Variants in PEA15 observed in about 807,000 individuals in gnomAD.
PEA15 encodes the protein proliferation and apoptosis adaptor protein 15.
For synonymous variants in PEA15, 60 were observed against 61.8 expected (o/e 0.97, Z 0.13); for missense variants, 77 against 161.3 (o/e 0.48, Z 2.83).
chr1:160,213,085 G>A lies in PEA15; in HGVS notation c.173-25G>A, dbSNP rs1410448427. 3 of 1,613,440 alleles carry A rather than the reference G, an allele frequency of 1.9e-6. No homozygotes were observed. Among genetic ancestry groups the A allele is most frequent in the Non-Finnish European group, 2.5e-6 (3 of 1,179,750 alleles). Reference sequence around the variant, plus strand: ...AAGCTGACCTCTACAGCCTAGCTCTGACCCTATCTCCTGCCTTCCTCCAGA... The same window carrying A: ...AAGCTGACCTCTACAGCCTAGCTCTAACCCTATCTCCTGCCTTCCTCCAGA... On this transcript the variant is annotated intron_variant, in intron 2 of 3. Coordinates refer to ENST00000360472, the MANE Select transcript of PEA15 (RefSeq NM_003768.5). This position sits in a 1 kb window ranked among gnomAD's most constrained non-coding sequence, Gnocchi z 5.3.
At chr1:160,206,950 C>T (rs114296300) in intron 1 of PEA15, among the ~76,000 whole-genome samples, 3,798 of 152,276 alleles carry the variant, frequency 0.025, 49 homozygotes, top group Middle Eastern at 0.037. Flanking sequence ...TCCTCAATTC[C>T]GTGCCCATCA....
At chr1:160,211,837 GAGAGGTGCTCTA>G in intron 2 of PEA15, 121 bp downstream of exon 2, 1 of 891,638 alleles carries the variant, frequency 1.1e-6, no homozygotes. Flanking sequence ...CAAGGCAGAA[GAGAGGTGCTCTA>G]AGAGTATGGG....
Position 160,208,492 on chromosome 1 carries a change from T to TC in PEA15, c.-3+2973dup. ...GGCCTCCGCCCAGACTGCCTGGTGA[T>TC]CCCTGAGCAGCTCTCTGCACTGCTC... On this transcript the variant is annotated intron_variant, in intron 1 of 3. Transcript: ENST00000360472. This position sits in a 1 kb window ranked among gnomAD's most constrained non-coding sequence, Gnocchi z 4.1. 1.0e-6 allele frequency: 1 copy of TC among 968,246 alleles called. No individual in the cohort carries two copies. The highest frequency in any genetic ancestry group is 1.6e-6 in the Non-Finnish European group (1 of 628,102). The allele number at this position is 968,246 out of a possible 1,614,324, so 60.0% of individuals were successfully genotyped here.
rs1178596206 is a variant in PEA15, at chr1:160,214,784, A to G, written c.*1298A>G. On this transcript the variant is annotated 3_prime_UTR_variant, in exon 4 of 4. Transcript: ENST00000360472. ...AAAGAAGGCTTTTTCAAAAAACATT[A>G]AATTCACATGCAGTCTCAGAGACTA... 6.6e-6 allele frequency: 1 copy of G among 152,634 alleles called. No homozygotes were observed. The highest frequency in any genetic ancestry group is 1.5e-5 in the Non-Finnish European group (1 of 68,042). The allele number at this position is 152,634 out of a possible 1,614,324, so 9.5% of individuals were successfully genotyped here.
In PEA15 at chr1:160,215,177, A is replaced by G. The variant is rs1261132010; in HGVS notation, c.*1691A>G. Reference sequence around the variant, plus strand: ...GAGAATAAGGAGCCTTTCTTATGGAAGAAATGGGAGAAGAGAGACAGGGTT... The same window carrying G: ...GAGAATAAGGAGCCTTTCTTATGGAGGAAATGGGAGAAGAGAGACAGGGTT... On this transcript the variant is annotated 3_prime_UTR_variant, in exon 4 of 4. Transcript: ENST00000360472. 6.6e-6 allele frequency: 1 copy of G among 152,512 alleles called. No individual in the cohort carries two copies. The highest frequency in any genetic ancestry group is 1.5e-5 in the Non-Finnish European group (1 of 68,050). 9.4% of individuals were successfully genotyped at this position (152,512 alleles called of 1,614,324 possible). A position where few individuals can be genotyped will look rare whatever the true frequency, so the allele number is the denominator to read the frequency against.
Position 160,213,198 on chromosome 1 carries a change from G to C in PEA15, c.261G>C (p.Leu87=). 6.2e-7 allele frequency: 1 copy of C among 1,614,194 alleles called. No individual in the cohort carries two copies. ...TMVVDYRTRV[L]KISEEDELDT... ...TGGTTGACTACAGAACCCGTGTGCT[G>C]AAGATCTCTGAGGAGGATGAGCTGG... Residue 87 remains leucine, a synonymous_variant, in exon 3 of 4, where the codon CTG becomes CTC. Transcript: ENST00000360472. This position sits in a 1 kb window ranked among gnomAD's most constrained non-coding sequence, Gnocchi z 5.3.
intron 1 of PEA15, among the ~76,000 whole-genome samples, chr1:160,209,970 T>G (rs927030906): frequency 6.6e-6 from 1 of 152,236 alleles, no homozygotes; most frequent in Non-Finnish European, 1.5e-5. Context: ...CACCTGGGTG[T>G]GCAACTGAGC....
chr1:160,212,976 C>T, intron 2 of PEA15, 134 bp from the exon 3 acceptor site: 3 of 806,056 alleles, frequency 3.7e-6, no homozygotes, highest in Non-Finnish European at 6.2e-6. Context: ...TTAGTAGCCC[C>T]TCTTCCTCCA....
rs776133175 is a variant in PEA15 at position 160,208,341 on chromosome 1, CAGGA to C, written c.-3+2831_-3+2834del. On this transcript the variant is annotated intron_variant, in intron 1 of 3. Transcript: ENST00000360472. This position sits in a 1 kb window ranked among gnomAD's most constrained non-coding sequence, Gnocchi z 4.1. ...GGGCCAGCTTGGAAGGAGAGGGAGGCAGGAAGGAAGGAAGGTGTGAGGAAGCGGT... is the reference window on the plus strand; with the variant it reads ...GGGCCAGCTTGGAAGGAGAGGGAGGCAGGAAGGAAGGTGTGAGGAAGCGGT... 7.8e-5 allele frequency: 38 copies of C among 485,204 alleles called. No individual in the cohort carries two copies. Among genetic ancestry groups the C allele is most frequent in the Non-Finnish European group, 1.1e-4 (30 of 266,386 alleles). The allele number at this position is 485,204 out of a possible 1,614,324, so 30.1% of individuals were successfully genotyped here. A position where few individuals can be genotyped will look rare whatever the true frequency, so the allele number is the denominator to read the frequency against.
In PEA15 at chr1:160,214,863, G is replaced by A. The variant is rs1396555238; in HGVS notation, c.*1377G>A. The A allele has an allele frequency of 6.6e-6, 1 of 152,670 alleles. No homozygotes were observed. Among genetic ancestry groups the A allele is most frequent in the Non-Finnish European group, 1.5e-5 (1 of 68,060 alleles). 9.5% of individuals were successfully genotyped at this position (152,670 alleles called of 1,614,324 possible). A position where few individuals can be genotyped will look rare whatever the true frequency, so the allele number is the denominator to read the frequency against. The stretch of plus-strand genomic sequence containing the variant: ...TAGGATGTGGGAGTAAAACTTTAAT[G>A]GGAGGGGAGGGCTGGCTGCTGGAAG... On this transcript the variant is annotated 3_prime_UTR_variant, in exon 4 of 4. Transcript: ENST00000360472.
chr1:160,211,848 T>C (rs1490830529), intron 2 of PEA15, 132 bp downstream of exon 2: 5 of 773,006 alleles, frequency 6.5e-6, no homozygotes, highest in Non-Finnish European at 1.0e-5. Flanking sequence ...AGAGGTGCTC[T>C]AAGAGTATGG....
rs1008460370 is a variant in PEA15, at chr1:160,214,296, G to A, written c.*810G>A. ...GAATGAGACCCTTAGGTTTTAACAC[G>A]AATCCTGACACCACCATCTATAGGG... On this transcript the variant is annotated 3_prime_UTR_variant, in exon 4 of 4. Coordinates refer to ENST00000360472, the MANE Select transcript of PEA15 (RefSeq NM_003768.5). 2 of 152,552 alleles carry A rather than the reference G, an allele frequency of 1.3e-5. No homozygotes were observed. The highest frequency in any genetic ancestry group is 6.5e-5 in the Admixed American group (1 of 15,284). 9.4% of individuals were successfully genotyped at this position (152,552 alleles called of 1,614,324 possible).
intron 2 of PEA15, among the ~76,000 whole-genome samples, chr1:160,212,604 G>A (rs1654922707): frequency 6.6e-6 from 1 of 152,156 alleles, no homozygotes; most frequent in South Asian, 2.1e-4. Flanking sequence ...AATTGGCCAA[G>A]CCATGGACAT....
chr1:160,213,041 T>C lies in PEA15; in HGVS notation c.173-69T>C. The C allele has an allele frequency of 1.9e-6, 3 of 1,539,040 alleles. No homozygotes were observed. Among genetic ancestry groups the C allele is most frequent in the Non-Finnish European group, 2.7e-6 (3 of 1,114,668 alleles). ...CAACTCAGCTTTGGTTCCAGGTCAC[T>C]AGTCTGGTGGAGTAGGGGAAGCTGA... On this transcript the variant is annotated intron_variant, in intron 2 of 3. Transcript: ENST00000360472. This position sits in a 1 kb window ranked among gnomAD's most constrained non-coding sequence, Gnocchi z 5.3.
At chr1:160,209,378 ACT>A (rs909628699) in intron 1 of PEA15, among the ~76,000 whole-genome samples, 11 of 151,636 alleles carry the variant, frequency 7.3e-5, no homozygotes, top group Admixed American at 7.2e-4. Flanking sequence ...TGTATCTTTC[ACT>A]CTCTTAGAAA....
rs1170314823 is a variant in PEA15, at chr1:160,208,538, C to T, written c.-2-3005C>T. On this transcript the variant is annotated intron_variant, in intron 1 of 3. Coordinates refer to ENST00000360472, the MANE Select transcript of PEA15 (RefSeq NM_003768.5). This position sits in a 1 kb window ranked among gnomAD's most constrained non-coding sequence, Gnocchi z 4.1. ...TGCTCCAGAAATCAGGAGGATTTTTCAGAGCCCAGAGAGCAGATTTCTCCA... is the reference window on the plus strand; with the variant it reads ...TGCTCCAGAAATCAGGAGGATTTTTTAGAGCCCAGAGAGCAGATTTCTCCA... The T allele has an allele frequency of 3.6e-6, 5 of 1,403,570 alleles. No individual in the cohort carries two copies. The Admixed American group carries it at 9.9e-5, about 28-fold the overall frequency. 86.9% of individuals were successfully genotyped at this position (1,403,570 alleles called of 1,614,324 possible).
chr1:160,211,591 C>T lies in PEA15; in HGVS notation c.47C>T (p.Thr16Ile). ...CTGCAAGACCTGACCAACAACATCA[C>T]CCTTGAAGATCTAGAACAGCTCAAG... ...TLLQDLTNNI[T>I]LEDLEQLKSA... Residue 16 changes from threonine to isoleucine, a missense_variant, in exon 2 of 4, where the codon ACC becomes ATC. Transcript: ENST00000360472. 1 of 1,614,018 alleles carries T rather than the reference C, an allele frequency of 6.2e-7. No homozygotes were observed. Among genetic ancestry groups the T allele is most frequent in the Non-Finnish European group, 8.5e-7 (1 of 1,179,934 alleles).
At position 160,211,782 on chromosome 1, in the gene PEA15, G is replaced by A. The variant is rs967631193; in HGVS notation, c.172+66G>A. On this transcript the variant is annotated intron_variant, in intron 2 of 3. Coordinates refer to ENST00000360472, the MANE Select transcript of PEA15 (RefSeq NM_003768.5). The stretch of plus-strand genomic sequence containing the variant: ...AGGCTCAGTTCATTCAGCAAATAGA[G>A]ATGAGCTCAAAGCTTTTACATCCAC... 15 of 1,495,802 alleles carry A rather than the reference G, an allele frequency of 1.0e-5. No homozygotes were observed. The African/African-American group carries it at 1.5e-4, about 15-fold the overall frequency. The allele number at this position is 1,495,802 out of a possible 1,614,324, so 92.7% of individuals were successfully genotyped here. A position where few individuals can be genotyped will look rare whatever the true frequency, so the allele number is the denominator to read the frequency against.
rs761816914 is a variant in PEA15, at chr1:160,211,523, T to C, written c.-2-20T>C. On this transcript the variant is annotated intron_variant, in intron 1 of 3. Coordinates refer to ENST00000360472, the MANE Select transcript of PEA15 (RefSeq NM_003768.5). Reference sequence around the variant, plus strand: ...TACCTTAAGCTCAACTCCTATCCCTTTGTCGCCTCCCAACCCCAGTCATGG... The same window carrying C: ...TACCTTAAGCTCAACTCCTATCCCTCTGTCGCCTCCCAACCCCAGTCATGG... The C allele has an allele frequency of 2.5e-6, 4 of 1,597,276 alleles. No individual in the cohort carries two copies. Among genetic ancestry groups the C allele is most frequent in the Non-Finnish European group, 3.4e-6 (4 of 1,168,662 alleles).
Sources: gnomAD v4.1 joint callset for allele counts (sites outside exome capture counted in the v4.1 genomes callset) on GRCh38, gnomAD v4.1.1 for gene constraint, Gnocchi (gnomAD v3.1) non-coding constraint, MANE v1.5 for transcripts, NCBI Gene and HGNC (gene_info 2026-07-23, HGNC 2026-07-21) for gene names.